The following TRDN variants were observed in gnomAD, a reference collection of about 807,000 sequenced individuals.
TRDN encodes the protein triadin in skeletal muscle.
A neutral mutation model predicts 149.7 loss-of-function variants in TRDN; 161 were observed. That is an observed-to-expected ratio of 1.08 (90% CI 0.95 to 1.23). The LOEUF (loss-of-function observed/expected upper bound fraction) is 1.23. Among genes scored for constraint, TRDN ranks in the 50% most tolerant of loss-of-function variants. TRDN has a pLI of 0.00. For missense variants in TRDN, 896 were observed against 823.5 expected (o/e 1.09, Z -1.08); for synonymous variants, 294 against 250.5 (o/e 1.17, Z -1.64).
chr6:123,481,814 G>T (rs907399121), intron 9 of TRDN, among the ~76,000 whole-genome samples: 7 of 152,220 alleles, frequency 4.6e-5, no homozygotes, highest in East Asian at 1.9e-4. Context: ...CACTTAGCAC[G>T]CTAGGCCAGG....
chr6:123,522,250 C>G (rs1779717996), intron 5 of TRDN, among the ~76,000 whole-genome samples: 1 of 152,100 alleles, frequency 6.6e-6, no homozygotes, highest in Admixed American at 6.6e-5. Flanking sequence ...TAGGAGCCTT[C>G]TTGGAAAAAG....
intron 8 of TRDN, chr6:123,502,853 C>A: frequency 1.0e-6 from 1 of 985,160 alleles, no homozygotes; most frequent in South Asian, 4.7e-5. Flanking sequence ...GTTAGATCCC[C>A]GTATTCTGTA....
intron 9 of TRDN, chr6:123,489,631 G>C (rs1040272941): frequency 6.6e-6 from 1 of 152,072 alleles, no homozygotes; most frequent in East Asian, 1.9e-4. Context: ...GAAACTTCAT[G>C]ATCTTTTTTT....
chr6:123,255,917 C>A lies in TRDN; in HGVS notation c.1871-15G>T. 7.9e-7 allele frequency: 1 copy of A among 1,264,640 alleles called. No homozygotes were observed. Among genetic ancestry groups the A allele is most frequent in the Non-Finnish European group, 1.0e-6 (1 of 980,782 alleles). 78.3% of individuals were successfully genotyped at this position (1,264,640 alleles called of 1,614,324 possible). A position where few individuals can be genotyped will look rare whatever the true frequency, so the allele number is the denominator to read the frequency against. The stretch of plus-strand genomic sequence containing the variant: ...GTCTGCTTTTTCTGTATAGAAGAAA[C>A]AGTAACAGGGTAATTTATTTTTTTA... On this transcript the variant is annotated splice_polypyrimidine_tract_variant and intron_variant, in intron 35 of 40. Coordinates refer to ENST00000334268, the MANE Select transcript of TRDN (RefSeq NM_006073.4).
chr6:123,401,647 G>T (rs1171881503), intron 12 of TRDN, among the ~76,000 whole-genome samples: 1 of 152,050 alleles, frequency 6.6e-6, no homozygotes, highest in African/African-American at 2.4e-5. Flanking sequence ...GCAGGATATA[G>T]ACAAGATTTA....
intron 5 of TRDN, among the ~76,000 whole-genome samples, chr6:123,527,768 T>C (rs1053400206): frequency 3.3e-5 from 5 of 151,850 alleles, no homozygotes; most frequent in Non-Finnish European, 7.4e-5. Flanking sequence ...CATACAGTAT[T>C]CTGATTATAT....
rs149446213 is a variant in TRDN, at chr6:123,491,132, AGAAG to A, written c.853+6057_853+6060del. ...AAAAAAAAAATAAAGAAGGAACGAA[AGAAG>A]GAAGGAAGGAAGGAAGGAAGGAAGG... On this transcript the variant is annotated intron_variant, in intron 9 of 40. Transcript: ENST00000334268. Among the ~76,000 whole-genome samples the A allele has an allele frequency of 3.0e-3, 438 of 146,320 alleles. 1 individual carries two copies. The highest frequency in any genetic ancestry group is 9.6e-3 in the East Asian group (48 of 4,990).
At position 123,546,255 on chromosome 6, in the gene TRDN, G is replaced by T. The variant is rs372453517; in HGVS notation, c.424+1085C>A. On this transcript the variant is annotated intron_variant, in intron 4 of 40. Coordinates refer to ENST00000334268, the MANE Select transcript of TRDN (RefSeq NM_006073.4). ...TAAACCCTTCCTTTCTCCTCACAGA[G>T]CTTTATAAACACTTTCATTTCTGGA... Among the ~76,000 whole-genome samples, 19 of 152,208 alleles carry T rather than the reference G, an allele frequency of 1.2e-4. No homozygotes were observed. The East Asian group carries it at 3.7e-3, about 29-fold the overall frequency.
At chr6:123,430,160 C>G (rs530598696) in intron 12 of TRDN, among the ~76,000 whole-genome samples, 1 of 152,080 alleles carries the variant, frequency 6.6e-6, no homozygotes, top group South Asian at 2.1e-4. Context: ...GTCCCAGCTA[C>G]ACAGGAGGCT....
intron 1 of TRDN, among the ~76,000 whole-genome samples, chr6:123,572,124 T>A (rs1245432972): frequency 6.6e-6 from 1 of 152,160 alleles, no homozygotes; most frequent in Non-Finnish European, 1.5e-5. Context: ...TCAGTGATGT[T>A]TAAAATTTTT....
chr6:123,450,324 T>G (rs1775693857), intron 10 of TRDN, among the ~76,000 whole-genome samples: 1 of 152,090 alleles, frequency 6.6e-6, no homozygotes, highest in Non-Finnish European at 1.5e-5. Context: ...ACCAACTATC[T>G]GCTGCCTTTA....
At chr6:123,429,567 T>C (rs1774251562) in intron 12 of TRDN, among the ~76,000 whole-genome samples, 1 of 152,148 alleles carries the variant, frequency 6.6e-6, no homozygotes, top group Non-Finnish European at 1.5e-5. Context: ...TAAATATGTA[T>C]CTCAAGTCAC....
At chr6:123,346,306 A>G (rs1244518170) in intron 21 of TRDN, among the ~76,000 whole-genome samples, 1 of 151,920 alleles carries the variant, frequency 6.6e-6, no homozygotes, top group East Asian at 1.9e-4. Flanking sequence ...TTTCTTCTTT[A>G]GCCTGTTGAT....
At chr6:123,427,238 T>C (rs953092817) in intron 12 of TRDN, among the ~76,000 whole-genome samples, 1 of 151,626 alleles carries the variant, frequency 6.6e-6, no homozygotes, top group Non-Finnish European at 1.5e-5. Flanking sequence ...GAACATTTAC[T>C]ATGGCCTCAC....
intron 12 of TRDN, among the ~76,000 whole-genome samples, chr6:123,413,347 A>G (rs1773520458): frequency 6.6e-6 from 1 of 152,194 alleles, no homozygotes; most frequent in Non-Finnish European, 1.5e-5. Context: ...AGACTTTTAT[A>G]TGTCTGGACT....
intron 1 of TRDN, among the ~76,000 whole-genome samples, chr6:123,608,354 C>T (rs908965713): frequency 1.3e-5 from 2 of 152,130 alleles, no homozygotes; most frequent in South Asian, 2.1e-4. Context: ...GATCCCAGCA[C>T]GGTCTTCAAA....
Position 123,500,680 on chromosome 6 carries a change from A to G in TRDN, c.793+3039T>C, listed in dbSNP as rs545558157. ...TTCTTGATTCTCAGGAAGCAGTGATAGATGTCATTCAAATGATACCTAGTT... is the reference window on the plus strand; with the variant it reads ...TTCTTGATTCTCAGGAAGCAGTGATGGATGTCATTCAAATGATACCTAGTT... On this transcript the variant is annotated intron_variant, in intron 8 of 40. Transcript: ENST00000334268. Among the ~76,000 whole-genome samples, 778 of 152,286 alleles carry G rather than the reference A, an allele frequency of 5.1e-3. 4 individuals are homozygous for G. The highest frequency in any genetic ancestry group is 8.5e-3 in the Non-Finnish European group (581 of 68,002).
chr6:123,536,648 C>T (rs1336743650), intron 4 of TRDN, among the ~76,000 whole-genome samples: 1 of 150,470 alleles, frequency 6.6e-6, no homozygotes, highest in African/African-American at 2.4e-5. Flanking sequence ...TCCAGGAATT[C>T]AAGACCAACC....
At chr6:123,304,987 C>G (rs1319424931) in intron 24 of TRDN, among the ~76,000 whole-genome samples, 2 of 151,930 alleles carry the variant, frequency 1.3e-5, no homozygotes, top group African/African-American at 2.4e-5. Flanking sequence ...TTAATTTCTC[C>G]AAAAATTTAA....
Sources: allele counts gnomAD v4.1 joint callset (sites outside exome capture counted in the v4.1 genomes callset), GRCh38; gene constraint gnomAD v4.1.1; transcripts MANE v1.5; gene names NCBI Gene and HGNC (gene_info 2026-07-23, HGNC 2026-07-21).